MAGI1: variants seen among roughly 807,000 people sequenced by gnomAD.
MAGI1 encodes the protein membrane associated guanylate kinase, WW and PDZ domain containing 1, also known as membrane-associated guanylate kinase, WW and PDZ domain-containing protein 1.
A neutral mutation model predicts 139.9 loss-of-function variants in MAGI1; 58 were observed. The observed-to-expected ratio is 0.41, with a 90% confidence interval of 0.34 to 0.52. The LOEUF is 0.52. Among genes scored for constraint, MAGI1 ranks in the 20% least tolerant of loss-of-function variants. The pLI, the probability that MAGI1 is intolerant of heterozygous loss-of-function variation, is 0.12. For missense variants in MAGI1, 1,874 were observed against 1,901.6 expected (o/e 0.99, Z 0.27); for synonymous variants, 812 against 737.9 (o/e 1.10, Z -1.63).
At chr3:65,517,705 C>T (rs2077970951) in intron 2 of MAGI1, among the ~76,000 whole-genome samples, 2 of 152,140 alleles carry the variant, frequency 1.3e-5, no homozygotes, top group South Asian at 4.1e-4. Flanking sequence ...GCCACCTTCT[C>T]GGACATCTGA....
At chr3:65,915,761 G>C (rs1312940259) in intron 1 of MAGI1, among the ~76,000 whole-genome samples, 1 of 151,952 alleles carries the variant, frequency 6.6e-6, no homozygotes, top group Non-Finnish European at 1.5e-5. Context: ...TGACTATCAG[G>C]TAACTAATGG....
At chr3:65,848,761 T>C (rs2108378795) in intron 1 of MAGI1, among the ~76,000 whole-genome samples, 1 of 152,148 alleles carries the variant, frequency 6.6e-6, no homozygotes, top group Non-Finnish European at 1.5e-5. Flanking sequence ...GATCGTTATT[T>C]AAACTCTCTT....
chr3:65,572,389 G>A (rs1157379812), intron 2 of MAGI1, among the ~76,000 whole-genome samples: 1 of 152,132 alleles, frequency 6.6e-6, no homozygotes, highest in Non-Finnish European at 1.5e-5. Flanking sequence ...GTGTTAAAGG[G>A]AAAGAAAGCC....
intron 22 of MAGI1, chr3:65,360,543 CAT>C (rs763936646): frequency 9.1e-6 from 9 of 984,702 alleles, no homozygotes; most frequent in African/African-American, 3.5e-5. Flanking sequence ...GGTATAGTCA[CAT>C]GTTTCCCTCA....
At chr3:65,576,774 T>C (rs1409136204) in intron 2 of MAGI1, among the ~76,000 whole-genome samples, 1 of 152,166 alleles carries the variant, frequency 6.6e-6, no homozygotes, top group Non-Finnish European at 1.5e-5. Flanking sequence ...CTAGATTCCT[T>C]GCTACACAAT....
At chr3:66,037,470 G>A (rs28525086) in intron 1 of MAGI1, among the ~76,000 whole-genome samples, 1 of 152,022 alleles carries the variant, frequency 6.6e-6, no homozygotes, top group Non-Finnish European at 1.5e-5. Context: ...TTCTGGCGGC[G>A]GGCTCAGGAA....
At chr3:65,481,797 T>A (rs1473190138) in intron 3 of MAGI1, among the ~76,000 whole-genome samples, 1 of 152,230 alleles carries the variant, frequency 6.6e-6, no homozygotes, top group Non-Finnish European at 1.5e-5. Context: ...TCCACTTAAC[T>A]TTGACAAATA....
At chr3:65,948,974 C>T (rs546443766) in intron 1 of MAGI1, among the ~76,000 whole-genome samples, 1 of 152,246 alleles carries the variant, frequency 6.6e-6, no homozygotes, top group East Asian at 1.9e-4. Flanking sequence ...AGAAAGGTGA[C>T]AAGAGCAAAG....
chr3:65,774,106 TA>T (rs10622916), intron 1 of MAGI1, among the ~76,000 whole-genome samples: 15 of 146,768 alleles, frequency 1.0e-4, no homozygotes, highest in African/African-American at 1.3e-4. Context: ...ACTGGCTAGT[TA>T]AAAAAAAAAA....
At chr3:65,854,886 A>G (rs1337699654) in intron 1 of MAGI1, among the ~76,000 whole-genome samples, 1 of 152,258 alleles carries the variant, frequency 6.6e-6, no homozygotes, top group South Asian at 2.1e-4. Flanking sequence ...CAAAGGGAGA[A>G]GTATGACACC....
At chr3:65,660,124 A>C (rs1051753312) in intron 1 of MAGI1, among the ~76,000 whole-genome samples, 2 of 152,192 alleles carry the variant, frequency 1.3e-5, no homozygotes, top group Non-Finnish European at 2.9e-5. Flanking sequence ...AGAAAGTCCA[A>C]CTTTCTTAGA....
intron 2 of MAGI1, among the ~76,000 whole-genome samples, chr3:65,599,560 G>A (rs1453780012): frequency 6.6e-6 from 1 of 152,014 alleles, no homozygotes; most frequent in African/African-American, 2.4e-5. Flanking sequence ...TTACTTGCCT[G>A]TTTCCCCTGG....
chr3:65,463,122 G>A (rs1219072088), intron 5 of MAGI1, among the ~76,000 whole-genome samples: 3 of 152,112 alleles, frequency 2.0e-5, no homozygotes, highest in Non-Finnish European at 4.4e-5. Context: ...TCTTTCTCTT[G>A]CCTGATTGCC....
At chr3:65,531,425 C>T (rs914622769) in intron 2 of MAGI1, among the ~76,000 whole-genome samples, 6 of 152,188 alleles carry the variant, frequency 3.9e-5, no homozygotes, top group East Asian at 3.9e-4. Context: ...ACTATGCTTG[C>T]AACTTTATAT....
At chr3:65,990,116 T>C (rs997904153) in intron 1 of MAGI1, among the ~76,000 whole-genome samples, 5 of 152,150 alleles carry the variant, frequency 3.3e-5, no homozygotes, top group East Asian at 1.9e-4. Flanking sequence ...AAAGAGGAAG[T>C]AGCAGACACA....
At chr3:65,778,227 C>A (rs1291825495) in intron 1 of MAGI1, among the ~76,000 whole-genome samples, 1 of 151,930 alleles carries the variant, frequency 6.6e-6, no homozygotes, top group African/African-American at 2.4e-5. Flanking sequence ...GTAAGGAGTT[C>A]AAGATCAGGC....
chr3:65,769,267 T>C (rs6801804), intron 1 of MAGI1, among the ~76,000 whole-genome samples: 77,788 of 151,928 alleles, frequency 0.51, 20,562 homozygotes, highest in East Asian at 0.6. Flanking sequence ...TACTTGGTTT[T>C]CTTTTGATCT....
At chr3:66,017,521 C>T (rs547251434) in intron 1 of MAGI1, among the ~76,000 whole-genome samples, 7 of 152,334 alleles carry the variant, frequency 4.6e-5, no homozygotes, top group East Asian at 1.9e-4. Context: ...AGCCTCCTGA[C>T]GAACACCAAG....
chr3:65,736,178 GC>G (rs2034710912), intron 1 of MAGI1, among the ~76,000 whole-genome samples: 1 of 152,168 alleles, frequency 6.6e-6, no homozygotes, highest in South Asian at 2.1e-4. Context: ...TATGGGTCTT[GC>G]CAAAAGAGCA....
Sources: gnomAD v4.1 joint callset for allele counts (sites outside exome capture counted in the v4.1 genomes callset) on GRCh38, gnomAD v4.1.1 for gene constraint, MANE v1.5 for transcripts, NCBI Gene and HGNC (gene_info 2026-07-23, HGNC 2026-07-21) for gene names.